Variants in UST observed in about 807,000 individuals in gnomAD.
UST encodes chondroitin sulfate 2-O-sulfotransferase.
A neutral mutation model predicts 45.6 loss-of-function variants in UST; 21 were observed. That is an observed-to-expected ratio of 0.46 (90% confidence interval 0.33 to 0.66). The LOEUF (loss-of-function observed/expected upper bound fraction) is 0.66. UST is among the 30% of genes least tolerant of loss of function. The pLI, the probability that UST is intolerant of heterozygous loss-of-function variation, is 0.02. For missense variants in UST, 463 were observed against 512.4 expected, an observed-to-expected ratio of 0.90 and a Z score of 0.93; for synonymous variants, 215 against 200.6, an observed-to-expected ratio of 1.07 and a Z score of -0.61.
intron 5 of UST, among the ~76,000 whole-genome samples, chr6:149,009,670 T>A (rs2500540): frequency 0.29 from 43,489 of 151,900 alleles, 6,370 homozygotes; most frequent in Middle Eastern, 0.35. Context: ...AGCAAAAAGT[T>A]ACTTGAGGAA....
intron 5 of UST, among the ~76,000 whole-genome samples, chr6:148,978,232 G>T (rs144276344): frequency 2.9e-4 from 44 of 151,722 alleles, no homozygotes; most frequent in African/African-American, 9.9e-4. Flanking sequence ...TGTTTTTGTT[G>T]TATCTCTAGA....
At chr6:149,041,642 A>C (rs1776316111) in intron 7 of UST, among the ~76,000 whole-genome samples, 2 of 152,170 alleles carry the variant, frequency 1.3e-5, no homozygotes, top group South Asian at 4.1e-4. Context: ...CGCTGTTCAG[A>C]TGCCTCTTCA....
At chr6:148,900,580 T>A (rs1779232728) in intron 2 of UST, among the ~76,000 whole-genome samples, 1 of 152,182 alleles carries the variant, frequency 6.6e-6, no homozygotes, top group Non-Finnish European at 1.5e-5. Context: ...GAACTGTGAG[T>A]CCATTAAACC....
At chr6:148,893,955 G>T (rs1016517548) in intron 2 of UST, among the ~76,000 whole-genome samples, 1 of 152,054 alleles carries the variant, frequency 6.6e-6, no homozygotes, top group East Asian at 1.9e-4. Flanking sequence ...AGAGTTGGAG[G>T]TTACAGTGAG....
chr6:148,769,123 C>T (rs1776372154), intron 1 of UST, among the ~76,000 whole-genome samples: 1 of 152,266 alleles, frequency 6.6e-6, no homozygotes. Flanking sequence ...TGGACAGCTG[C>T]ATGCAGCCTT....
At chr6:148,876,559 C>G (rs987356771) in intron 1 of UST, among the ~76,000 whole-genome samples, 2 of 152,054 alleles carry the variant, frequency 1.3e-5, no homozygotes, top group South Asian at 4.2e-4. Flanking sequence ...ACTCTACAAC[C>G]CCTGGGCCAT....
intron 1 of UST, among the ~76,000 whole-genome samples, chr6:148,816,801 A>AGCT (rs546964245): frequency 1.0e-3 from 152 of 152,366 alleles, no homozygotes; most frequent in African/African-American, 3.5e-3. Flanking sequence ...TTCAACAAAC[A>AGCT]GCTGAATGTT....
chr6:148,805,480 G>T (rs905610540), intron 1 of UST, among the ~76,000 whole-genome samples: 1 of 152,140 alleles, frequency 6.6e-6, no homozygotes, highest in African/African-American at 2.4e-5. Context: ...TGTAGAAAAG[G>T]CATGACATAA....
chr6:148,847,158 C>T (rs1778006263), intron 1 of UST, among the ~76,000 whole-genome samples: 1 of 152,268 alleles, frequency 6.6e-6, no homozygotes. Flanking sequence ...AGGCACTTAG[C>T]AGCTTAAAGC....
chr6:148,912,381 A>G (rs1261502161), intron 2 of UST, among the ~76,000 whole-genome samples: 1 of 152,270 alleles, frequency 6.6e-6, no homozygotes, highest in Non-Finnish European at 1.5e-5. Flanking sequence ...TAACTGTGAC[A>G]GAAGAAAAGG....
intron 3 of UST, among the ~76,000 whole-genome samples, chr6:148,944,278 C>T (rs1294818704): frequency 1.3e-5 from 2 of 152,122 alleles, no homozygotes; most frequent in African/African-American, 4.8e-5. Context: ...TGCAGTATGA[C>T]TTAAACAGGC....
At chr6:148,854,143 A>G (rs1233210839) in intron 1 of UST, among the ~76,000 whole-genome samples, 2 of 152,218 alleles carry the variant, frequency 1.3e-5, no homozygotes, top group Non-Finnish European at 2.9e-5. Flanking sequence ...ATTCAGCTAT[A>G]AAAATATGAC....
intron 3 of UST, among the ~76,000 whole-genome samples, chr6:148,951,312 A>C (rs1780359007): frequency 6.6e-6 from 1 of 152,224 alleles, no homozygotes; most frequent in Non-Finnish European, 1.5e-5. Context: ...TAAAGAGTAA[A>C]GATGGGTGAG....
chr6:148,886,928 AC>A (rs1778921749), intron 1 of UST, 57 bp from the exon 2 acceptor site: 5 of 1,407,678 alleles, frequency 3.6e-6, no homozygotes, highest in Non-Finnish European at 3.0e-6. Flanking sequence ...ATAACTTTGC[AC>A]TAAATTCATT....
At chr6:149,017,793 C>CATATATATATATATAT (rs772511492) in intron 5 of UST, among the ~76,000 whole-genome samples, 12 of 54,354 alleles carry the variant, frequency 2.2e-4, no homozygotes, top group African/African-American at 8.0e-4. Flanking sequence ...AATGAATATC[C>CATATATATATATATAT]ATATATACAC....
At chr6:148,886,872 C>A in intron 1 of UST, 114 bp from the exon 2 acceptor site, 2 of 872,056 alleles carry the variant, frequency 2.3e-6, no homozygotes, top group Non-Finnish European at 1.9e-6. Flanking sequence ...TTCTTTGGTA[C>A]TGTTGTCTGA....
chr6:148,809,070 A>C (rs1777203946), intron 1 of UST, among the ~76,000 whole-genome samples: 1 of 152,218 alleles, frequency 6.6e-6, no homozygotes, highest in Non-Finnish European at 1.5e-5. Flanking sequence ...ATCACCTTGT[A>C]CTCGAGCGAG....
At chr6:148,919,557 A>G (rs1193333869) in intron 2 of UST, among the ~76,000 whole-genome samples, 2 of 152,236 alleles carry the variant, frequency 1.3e-5, no homozygotes, top group African/African-American at 2.4e-5. Context: ...GTTTTTCTAC[A>G]TAATGAAATA....
intron 1 of UST, among the ~76,000 whole-genome samples, chr6:148,820,827 T>C (rs1389162688): frequency 1.4e-5 from 2 of 139,418 alleles, no homozygotes; most frequent in East Asian, 2.1e-4. Context: ...CACTCCAGCC[T>C]GGGCAACAGA....
Sources: allele counts gnomAD v4.1 joint callset (sites outside exome capture counted in the v4.1 genomes callset), GRCh38; gene constraint gnomAD v4.1.1; transcripts MANE v1.5; gene names NCBI Gene and HGNC (gene_info 2026-07-23, HGNC 2026-07-21).